Variants in SPAG16 observed in about 807,000 individuals in gnomAD.
SPAG16 encodes sperm-associated antigen 16 protein.
A neutral mutation model predicts 80.4 loss-of-function variants in SPAG16; 86 were observed. The observed-to-expected ratio is 1.07, with a 90% confidence interval of 0.90 to 1.28. SPAG16 has a LOEUF of 1.28. Among genes scored for constraint, SPAG16 ranks in the 50% most tolerant of loss-of-function variants. SPAG16 has a pLI of 0.00. For synonymous variants in SPAG16, 294 were observed against 265.9 expected (o/e 1.11, Z -1.03); for missense variants, 870 against 765.3 (o/e 1.14, Z -1.61).
intron 10 of SPAG16, among the ~76,000 whole-genome samples, chr2:213,848,330 C>A (rs776664723): frequency 2.1e-4 from 32 of 152,284 alleles, no homozygotes; most frequent in Non-Finnish European, 3.8e-4. Context: ...ATTTAAGATG[C>A]AGAGATAACT....
At chr2:214,295,255 A>C (rs1694052201) in intron 15 of SPAG16, among the ~76,000 whole-genome samples, 1 of 152,240 alleles carries the variant, frequency 6.6e-6, no homozygotes, top group Non-Finnish European at 1.5e-5. Flanking sequence ...GATCCATGAG[A>C]TAACTTCTTT....
rs1553685173 is a variant in SPAG16 at position 213,976,109 on chromosome 2, G to GATATAT, written c.1401-37820_1401-37815dup. 1.3e-3 allele frequency among the ~76,000 whole-genome samples: 157 copies of GATATAT among 121,502 alleles called. 1 individual carries two copies. The highest frequency in any genetic ancestry group is 3.9e-3 in the Middle Eastern group (1 of 254). The allele number at this position is 121,502 out of a possible 152,430, so 79.7% of individuals were successfully genotyped here. A position where few individuals can be genotyped will look rare whatever the true frequency, so the allele number is the denominator to read the frequency against. On this transcript the variant is annotated intron_variant, in intron 12 of 15. Coordinates refer to ENST00000331683, the MANE Select transcript of SPAG16 (RefSeq NM_024532.5). ...GTGAGTGATCTAAGACAGTGAGGGA[G>GATATAT]ATATATATATATATATATATATATA...
intron 13 of SPAG16, among the ~76,000 whole-genome samples, chr2:214,041,381 AGTT>A (rs926246269): frequency 3.3e-5 from 5 of 150,172 alleles, no homozygotes; most frequent in African/African-American, 1.2e-4. Context: ...TTCTTTTTGT[AGTT>A]TTTAATAAAC....
At chr2:213,377,741 C>T (rs540323878) in intron 9 of SPAG16, among the ~76,000 whole-genome samples, 4 of 152,036 alleles carry the variant, frequency 2.6e-5, no homozygotes, top group Admixed American at 6.6e-5. Flanking sequence ...AAATTAAAGA[C>T]GAATGGAAGA....
intron 12 of SPAG16, among the ~76,000 whole-genome samples, chr2:213,931,292 T>C (rs1452328548): frequency 6.6e-6 from 1 of 152,166 alleles, no homozygotes; most frequent in Non-Finnish European, 1.5e-5. Context: ...GCCTGCCCCA[T>C]AGGAGAAAAC....
At chr2:213,505,777 A>T (rs1164217888) in intron 10 of SPAG16, among the ~76,000 whole-genome samples, 1 of 152,070 alleles carries the variant, frequency 6.6e-6, no homozygotes, top group Non-Finnish European at 1.5e-5. Context: ...CCTTTTAGAA[A>T]TCCCTACAAG....
At chr2:214,391,068 C>T (rs960676285) in intron 15 of SPAG16, among the ~76,000 whole-genome samples, 3 of 152,138 alleles carry the variant, frequency 2.0e-5, no homozygotes, top group Non-Finnish European at 2.9e-5. Context: ...CCAGAGATCA[C>T]AAAATCATGA....
intron 14 of SPAG16, among the ~76,000 whole-genome samples, chr2:214,114,192 TC>T (rs898992457): frequency 4.5e-4 from 69 of 152,320 alleles, no homozygotes; most frequent in African/African-American, 1.6e-3. Context: ...TGATCCTTCC[TC>T]TGGAAGCTTT....
At chr2:214,077,267 G>T (rs1226464192) in intron 13 of SPAG16, among the ~76,000 whole-genome samples, 1 of 152,100 alleles carries the variant, frequency 6.6e-6, no homozygotes, top group Non-Finnish European at 1.5e-5. Context: ...GCCTTCAAGG[G>T]ATCCCGAGAG....
At chr2:214,332,921 C>T (rs1697023577) in intron 15 of SPAG16, among the ~76,000 whole-genome samples, 1 of 152,142 alleles carries the variant, frequency 6.6e-6, no homozygotes, top group African/African-American at 2.4e-5. Flanking sequence ...TCCTTAATTA[C>T]CTTGCCTTTA....
chr2:213,932,147 CATATATATAT>C (rs61264162), intron 12 of SPAG16, among the ~76,000 whole-genome samples: 791 of 30,170 alleles, frequency 0.026, 7 homozygotes, highest in East Asian at 0.06. Flanking sequence ...CTTGATACTG[CATATATATAT>C]ATATATATAT....
chr2:213,640,162 G>T (rs1440617455), intron 10 of SPAG16, among the ~76,000 whole-genome samples: 2 of 151,906 alleles, frequency 1.3e-5, no homozygotes, highest in Non-Finnish European at 1.5e-5. Context: ...AGTTTTGGTT[G>T]TTTTAATTTA....
intron 10 of SPAG16, among the ~76,000 whole-genome samples, chr2:213,566,738 A>G (rs899810718): frequency 4.6e-5 from 7 of 152,226 alleles, no homozygotes; most frequent in Non-Finnish European, 8.8e-5. Context: ...GTGATGGTGT[A>G]TAATGACACA....
intron 12 of SPAG16, among the ~76,000 whole-genome samples, chr2:213,983,691 G>A (rs2045876049): frequency 6.6e-6 from 1 of 151,730 alleles, no homozygotes; most frequent in African/African-American, 2.4e-5. Flanking sequence ...ATTTTTTCTT[G>A]AGTATCAACA....
intron 12 of SPAG16, among the ~76,000 whole-genome samples, chr2:213,949,451 G>A (rs2079638423): frequency 6.6e-6 from 1 of 152,090 alleles, no homozygotes; most frequent in Admixed American, 6.5e-5. Flanking sequence ...ACAGGCATGA[G>A]CCACCGCGCT....
chr2:213,808,465 C>T (rs191138703), intron 10 of SPAG16, among the ~76,000 whole-genome samples: 45 of 152,170 alleles, frequency 3.0e-4, no homozygotes, highest in Admixed American at 2.6e-3. Context: ...GGAGGATGAG[C>T]TCAATTTCTA....
At chr2:213,452,147 C>A (rs1207318064) in intron 9 of SPAG16, among the ~76,000 whole-genome samples, 3 of 152,194 alleles carry the variant, frequency 2.0e-5, no homozygotes, top group African/African-American at 7.2e-5. Flanking sequence ...TCAGCCTGAT[C>A]TTCCAGGCTG....
At chr2:213,994,750 T>C (rs1386934396) in intron 12 of SPAG16, among the ~76,000 whole-genome samples, 1 of 152,134 alleles carries the variant, frequency 6.6e-6, no homozygotes, top group Admixed American at 6.6e-5. Flanking sequence ...ATAAAGGAAA[T>C]AAATATGCTT....
At chr2:214,224,304 A>G (rs1304347240) in intron 15 of SPAG16, among the ~76,000 whole-genome samples, 1 of 152,216 alleles carries the variant, frequency 6.6e-6, no homozygotes. Flanking sequence ...TTCACAAACA[A>G]TGACTTGATT....
Sources: gnomAD v4.1 joint callset for allele counts (sites outside exome capture counted in the v4.1 genomes callset) on GRCh38, gnomAD v4.1.1 for gene constraint, MANE v1.5 for transcripts, NCBI Gene and HGNC (gene_info 2026-07-23, HGNC 2026-07-21) for gene names.